The following NFATC2 variants were observed in gnomAD, a reference collection of about 807,000 sequenced individuals.
The protein encoded by NFATC2 is nuclear factor of activated T cells 2.
NFATC2 carries 22 observed loss-of-function variants against 87.3 expected under a neutral mutation model. The observed-to-expected ratio is 0.25, with a 90% CI of 0.18 to 0.36. NFATC2 has a LOEUF of 0.36. Ranked by LOEUF, NFATC2 falls within the 10% of genes least tolerant of loss-of-function variation. NFATC2 has a pLI of 1.00. For synonymous variants in NFATC2, 565 were observed against 542.2 expected, an observed-to-expected ratio of 1.04 and a Z score of -0.58; for missense variants, 1,149 against 1,259.1, an observed-to-expected ratio of 0.91 and a Z score of 1.32.
intron 5 of NFATC2, among the ~76,000 whole-genome samples, chr20:51,464,661 G>A (rs1395185535): frequency 2.6e-5 from 4 of 152,100 alleles, no homozygotes; most frequent in East Asian, 1.9e-4. Flanking sequence ...ATCTAGTGCC[G>A]GGGGGTGGGG....
At chr20:51,528,189 CA>C (rs1478978634) in intron 1 of NFATC2, among the ~76,000 whole-genome samples, 1 of 151,976 alleles carries the variant, frequency 6.6e-6, no homozygotes, top group Non-Finnish European at 1.5e-5. Flanking sequence ...ACTGTAATCC[CA>C]AAAGACTGGA....
rs147477739 is a variant in NFATC2 at position 51,390,875 on chromosome 20, G to T, written c.*621C>A. The T allele has an allele frequency of 3.0e-3, 591 of 198,070 alleles. 3 individuals are homozygous for T. The highest frequency in any genetic ancestry group is 0.013 in the African/African-American group (550 of 43,244). 12.3% of individuals were successfully genotyped at this position (198,070 alleles called of 1,614,324 possible). ...TCTAAGGACTGACAGTTCAGTTTCT[G>T]TCTCTATCGAGGGTTTTGGGTTTCT... On this transcript the variant is annotated 3_prime_UTR_variant, in exon 11 of 11. Coordinates refer to ENST00000371564, the MANE Select transcript of NFATC2 (RefSeq NM_012340.5).
At chr20:51,436,409 T>TTTA (rs1555876805) in intron 6 of NFATC2, among the ~76,000 whole-genome samples, 1 of 149,540 alleles carries the variant, frequency 6.7e-6, no homozygotes, top group Admixed American at 6.6e-5. Flanking sequence ...TTTTTTTTTT[T>TTTA]AAAAAGGCAT....
chr20:51,461,829 G>C (rs768858557), intron 5 of NFATC2, among the ~76,000 whole-genome samples: 1 of 152,192 alleles, frequency 6.6e-6, no homozygotes, highest in Non-Finnish European at 1.5e-5. Context: ...TAATAACAGC[G>C]GACAGGCTGG....
At chr20:51,474,237 G>C in intron 4 of NFATC2, 85 bp from the exon 5 acceptor site, 1 of 1,511,138 alleles carries the variant, frequency 6.6e-7, no homozygotes, top group Admixed American at 1.9e-5. Context: ...TCTACAGCCA[G>C]TCACTGGGGG....
chr20:51,409,175 G>A (rs998125136), intron 9 of NFATC2, among the ~76,000 whole-genome samples: 1 of 152,168 alleles, frequency 6.6e-6, no homozygotes, highest in African/African-American at 2.4e-5. Flanking sequence ...ATTTGGTATC[G>A]TCTACTAAAG....
At chr20:51,476,108 G>C (rs1159160987) in intron 3 of NFATC2, among the ~76,000 whole-genome samples, 1 of 150,278 alleles carries the variant, frequency 6.7e-6, no homozygotes, top group African/African-American at 2.4e-5. Flanking sequence ...TTAAGTTTTA[G>C]GGTACATGTG....
At chr20:51,545,141 A>G (rs907836241), upstream of NFATC2, among the ~76,000 whole-genome samples, 1 of 152,204 alleles carries the variant, frequency 6.6e-6, no homozygotes, top group Non-Finnish European at 1.5e-5. Flanking sequence ...ATTTTGGCCA[A>G]TAAACAAGAA....
intron 9 of NFATC2, 147 bp from the exon 10 acceptor site, chr20:51,398,877 T>C: frequency 1.6e-6 from 1 of 628,526 alleles, no homozygotes; most frequent in Non-Finnish European, 2.8e-6. Context: ...TTCTGCAACA[T>C]CTTAGCATTT....
intron 6 of NFATC2, among the ~76,000 whole-genome samples, chr20:51,450,873 T>A (rs758777071): frequency 6.6e-6 from 1 of 152,224 alleles, no homozygotes. Context: ...GAGGTAAATA[T>A]GAAATTTCTT....
chr20:51,477,533 GTCTATATATA>G lies in NFATC2; in HGVS notation c.1333-1883_1333-1874del, dbSNP rs1311144215. 1.3e-4 allele frequency among the ~76,000 whole-genome samples: 9 copies of G among 68,548 alleles called. No individual in the cohort carries two copies. The Admixed American group carries it at 1.5e-3, about 11-fold the overall frequency. The allele number at this position is 68,548 out of a possible 152,430, so 45.0% of individuals were successfully genotyped here. On this transcript the variant is annotated intron_variant, in intron 3 of 10. Transcript: ENST00000371564. ...TATATATATACATATGTGTGTGTGT[GTCTATATATA>G]TATATATATATATATATATATATAT...
At chr20:51,461,667 C>G (rs927199238) in intron 5 of NFATC2, among the ~76,000 whole-genome samples, 1 of 152,250 alleles carries the variant, frequency 6.6e-6, no homozygotes, top group Non-Finnish European at 1.5e-5. Flanking sequence ...AGGGTTCCCC[C>G]ACATCGCCCA....
chr20:51,462,447 A>T (rs1987262889), intron 5 of NFATC2, among the ~76,000 whole-genome samples: 1 of 152,198 alleles, frequency 6.6e-6, no homozygotes, highest in South Asian at 2.1e-4. Flanking sequence ...CTCTGTCTCA[A>T]AAAACTAAAA....
At chr20:51,542,722 G>A, upstream of NFATC2, 1 of 997,916 alleles carries the variant, frequency 1.0e-6, no homozygotes, top group Non-Finnish European at 1.2e-6. Context: ...TTCCTGCTCC[G>A]GAGGCACCTG....
In NFATC2 at chr20:51,475,564, G is replaced by A. The variant is rs1379839240; in HGVS notation, c.1429C>T (p.His477Tyr). 5.0e-6 allele frequency: 8 copies of A among 1,614,124 alleles called. 1 individual carries two copies. The South Asian group carries it at 8.8e-5, about 18-fold the overall frequency. Residue 477 changes from histidine (H) to tyrosine (Y), a missense_variant, in exon 4 of 11, where the codon CAC (histidine) becomes TAC (tyrosine). His to Tyr is a moderately conservative substitution (Grantham distance 83). This residue lies in a region of NFATC2 where 581 missense variants were observed against 649.7 expected (regional missense o/e 0.89). Coordinates refer to ENST00000371564, the MANE Select transcript of NFATC2 (RefSeq NM_012340.5). ...ILKPHAFYQV[H>Y]RITGKTVTTT... ...GTGACAGTTTTCCCCGTGATTCGGT[G>A]CACCTGGTAGAAGGCGTGCGGCTTA...
intron 1 of NFATC2, among the ~76,000 whole-genome samples, chr20:51,552,896 C>G (rs2076945960): frequency 6.6e-6 from 1 of 152,052 alleles, no homozygotes; most frequent in Non-Finnish European, 1.5e-5. Flanking sequence ...TGGTGGTTTG[C>G]TGCACCCATC....
chr20:51,397,625 G>GA (rs1481489754), intron 10 of NFATC2, among the ~76,000 whole-genome samples: 1 of 152,112 alleles, frequency 6.6e-6, no homozygotes, highest in African/African-American at 2.4e-5. Context: ...GACTCCCCAG[G>GA]AGCCGATTCC....
chr20:51,451,362 C>T (rs1985749493), intron 6 of NFATC2, among the ~76,000 whole-genome samples: 1 of 152,214 alleles, frequency 6.6e-6, no homozygotes, highest in Non-Finnish European at 1.5e-5. Flanking sequence ...AGTTGTTGAC[C>T]AGTGGCAATA....
intron 6 of NFATC2, among the ~76,000 whole-genome samples, chr20:51,441,173 C>T (rs1354468207): frequency 6.6e-6 from 1 of 152,162 alleles, no homozygotes; most frequent in Admixed American, 6.5e-5. Flanking sequence ...ATCCCAGCTA[C>T]TCGGGAGGCT....
Sources: gnomAD v4.1 joint callset for allele counts (sites outside exome capture counted in the v4.1 genomes callset) on GRCh38, gnomAD v4.1.1 for gene constraint, gnomAD v4.1.1 regional missense constraint, MANE v1.5 for transcripts, NCBI Gene and HGNC (gene_info 2026-07-23, HGNC 2026-07-21) for gene names.